The following COL4A6 variants were observed in gnomAD, a reference collection of about 807,000 sequenced individuals.
COL4A6 encodes collagen alpha-6(IV) chain.
Under a neutral mutation model 126.7 loss-of-function variants are expected in COL4A6, and 59 were observed. The observed-to-expected ratio is 0.47, with a 90% CI of 0.38 to 0.58. The LOEUF (loss-of-function observed/expected upper bound fraction) is 0.58, where lower values mean the gene tolerates loss of function less well. Ranked by LOEUF, COL4A6 falls within the 20% of genes least tolerant of loss-of-function variation. COL4A6 has a pLI of 0.00. For missense variants in COL4A6, 1,285 were observed against 1,337.3 expected (o/e 0.96, Z 0.61); for synonymous variants, 547 against 496.6 (o/e 1.10, Z -1.35).
intron 3 of COL4A6, among the ~76,000 whole-genome samples, chrX:108,256,695 G>A (rs2037015148): frequency 9.0e-6 from 1 of 110,855 alleles, no homozygotes; most frequent in Admixed American, 9.6e-5. Flanking sequence ...AAATTATCAG[G>A]TACTCACCCC....
intron 3 of COL4A6, among the ~76,000 whole-genome samples, chrX:108,266,333 T>C (rs1366204428): frequency 9.0e-6 from 1 of 111,348 alleles, no homozygotes; most frequent in East Asian, 2.8e-4. Flanking sequence ...ACAGGCCAAC[T>C]GAGGGAAAGG....
chrX:108,274,081 C>G (rs891128671), intron 3 of COL4A6, among the ~76,000 whole-genome samples: 1 of 111,643 alleles, frequency 9.0e-6, no homozygotes, highest in African/African-American at 3.3e-5. Flanking sequence ...CTTAGGAACT[C>G]TCACTGTCCT....
intron 23 of COL4A6, among the ~76,000 whole-genome samples, chrX:108,183,344 A>G (rs756240229): frequency 8.9e-6 from 1 of 112,343 alleles, no homozygotes; most frequent in African/African-American, 3.2e-5. Flanking sequence ...GGGCCCAATG[A>G]ATAAAGTTCA....
At chrX:108,193,498 G>A in intron 17 of COL4A6, 130 bp downstream of exon 17, 1 of 540,969 alleles carries the variant, frequency 1.8e-6, no homozygotes, top group Non-Finnish European at 3.1e-6. Context: ...CAGGAGCCAT[G>A]AGGGGCTCTT....
At chrX:108,159,861 C>A in intron 43 of COL4A6, 113 bp from the exon 44 acceptor site, 1 of 790,317 alleles carries the variant, frequency 1.3e-6, no homozygotes, top group Non-Finnish European at 1.9e-6. Flanking sequence ...CAGCCCTCTC[C>A]TTCCAATCCT....
Position 108,235,949 on chromosome X carries a change from C to T in COL4A6, c.145-14575G>A, listed in dbSNP as rs149943100. ...GAGTTGGCCAGACCAGGGGCCTGGC[C>T]GGATGGTGAACTGGGCAGGAAGTCC... On this transcript the variant is annotated intron_variant, in intron 3 of 44. Transcript: ENST00000334504. 8.3e-3 allele frequency among the ~76,000 whole-genome samples: 922 copies of T among 110,493 alleles called. 2 individuals carry two copies. The highest frequency in any genetic ancestry group is 0.013 in the Non-Finnish European group (696 of 52,861).
intron 2 of COL4A6, among the ~76,000 whole-genome samples, chrX:108,370,993 A>G (rs1307968454): frequency 9.0e-6 from 1 of 110,603 alleles, no homozygotes; most frequent in Non-Finnish European, 1.9e-5. Context: ...CTCTACCAAG[A>G]CTTAGCTCAA....
chrX:108,194,810 C>T (rs986160522), intron 15 of COL4A6, among the ~76,000 whole-genome samples: 12 of 111,703 alleles, frequency 1.1e-4, no homozygotes, highest in African/African-American at 3.3e-4. Flanking sequence ...AGGCTAGACA[C>T]GGATACAAGC....
At chrX:108,296,899 A>G (rs1165228271) in intron 3 of COL4A6, among the ~76,000 whole-genome samples, 1 of 111,945 alleles carries the variant, frequency 8.9e-6, no homozygotes, top group Non-Finnish European at 1.9e-5. Context: ...AAGTCAAGCA[A>G]AGAAAGTTTT....
chrX:108,294,196 T>A (rs753469291), intron 3 of COL4A6, among the ~76,000 whole-genome samples: 1 of 112,087 alleles, frequency 8.9e-6, no homozygotes, highest in South Asian at 3.7e-4. Flanking sequence ...CAGGGTAACA[T>A]GTTTAGTATG....
intron 3 of COL4A6, among the ~76,000 whole-genome samples, chrX:108,286,857 G>A (rs752998602): frequency 1.2e-4 from 13 of 111,918 alleles, no homozygotes; most frequent in East Asian, 5.6e-4. Flanking sequence ...AGGTGTGAGC[G>A]ATCATGTCTG....
intron 42 of COL4A6, among the ~76,000 whole-genome samples, chrX:108,161,048 CAG>C (rs2033916283): frequency 8.9e-6 from 1 of 111,934 alleles, no homozygotes; most frequent in Non-Finnish European, 1.9e-5. Flanking sequence ...GCTGCTGAAT[CAG>C]AGTCATCGAA....
intron 7 of COL4A6, 46 bp downstream of exon 7, chrX:108,211,626 A>C: frequency 3.5e-6 from 4 of 1,130,087 alleles, no homozygotes; most frequent in Non-Finnish European, 4.9e-6. Context: ...AATGCTGGGG[A>C]ACCCAGCTTA....
intron 2 of COL4A6, among the ~76,000 whole-genome samples, chrX:108,357,120 A>G (rs2039978860): frequency 8.9e-6 from 1 of 111,887 alleles, no homozygotes; most frequent in East Asian, 2.8e-4. Context: ...ATACATACAT[A>G]TATACAAACA....
At chrX:108,386,465 G>T (rs372450655) in intron 2 of COL4A6, among the ~76,000 whole-genome samples, 1 of 112,330 alleles carries the variant, frequency 8.9e-6, no homozygotes, top group African/African-American at 3.2e-5. Flanking sequence ...TTTCTCTAAT[G>T]ACCAGTGATG....
intron 23 of COL4A6, among the ~76,000 whole-genome samples, chrX:108,185,062 C>T (rs2034811602): frequency 8.9e-6 from 1 of 112,030 alleles, no homozygotes; most frequent in African/African-American, 3.2e-5. Flanking sequence ...CTATAGCTGA[C>T]ACTAGGACTT....
intron 13 of COL4A6, among the ~76,000 whole-genome samples, chrX:108,202,472 T>C (rs1371751063): frequency 8.9e-6 from 1 of 111,940 alleles, no homozygotes; most frequent in East Asian, 2.8e-4. Flanking sequence ...GATATGAAAG[T>C]GGAGGTAGGA....
intron 2 of COL4A6, among the ~76,000 whole-genome samples, chrX:108,373,132 G>A (rs1025892045): frequency 9.0e-6 from 1 of 111,528 alleles, no homozygotes. Flanking sequence ...GCCAGGCACG[G>A]TGGCTCATGC....
In COL4A6 at chrX:108,435,205, G is replaced by A. The variant is rs1265716523; in HGVS notation, c.63+2737C>T. ...CAAATAAGTATCCCCCTAGGCTTTTGACTTTAAGTATGCTTGATTGTATTA... is the reference window on the plus strand; with the variant it reads ...CAAATAAGTATCCCCCTAGGCTTTTAACTTTAAGTATGCTTGATTGTATTA... On this transcript the variant is annotated intron_variant, in intron 2 of 44. Coordinates refer to ENST00000334504, the MANE Select transcript of COL4A6 (RefSeq NM_033641.4). Among the ~76,000 whole-genome samples the A allele has an allele frequency of 5.4e-5, 6 of 111,434 alleles. No homozygotes were observed. The Admixed American group carries it at 5.7e-4, about 11-fold the overall frequency.
Sources: gnomAD v4.1 joint callset for allele counts (sites outside exome capture counted in the v4.1 genomes callset) on GRCh38, gnomAD v4.1.1 for gene constraint, MANE v1.5 for transcripts, NCBI Gene and HGNC (gene_info 2026-07-23, HGNC 2026-07-21) for gene names.